Variants in FANCI observed in about 807,000 individuals in gnomAD.
FANCI encodes the protein FA complementation group I.
In FANCI, 156 loss-of-function variants were observed where a neutral mutation model predicts 176.1. The observed-to-expected ratio is 0.89, with a 90% CI of 0.78 to 1.01. The LOEUF is 1.01. Ranked by LOEUF, FANCI falls within the 50% of genes least tolerant of loss-of-function variation. FANCI has a pLI of 0.00. For synonymous variants in FANCI, 613 were observed against 541.7 expected, an observed-to-expected ratio of 1.13 and a Z score of -1.83; for missense variants, 1,678 against 1,534.1, an observed-to-expected ratio of 1.09 and a Z score of -1.57.
intron 24 of FANCI, among the ~76,000 whole-genome samples, chr15:89,298,694 T>C (rs902608385): frequency 2.1e-4 from 32 of 152,146 alleles, no homozygotes; most frequent in Non-Finnish European, 5.9e-5. Flanking sequence ...ATAAATTTAA[T>C]GAACTTTAGC....
intron 18 of FANCI, among the ~76,000 whole-genome samples, chr15:89,289,783 C>G (rs1371995591): frequency 1.3e-5 from 2 of 151,114 alleles, no homozygotes; most frequent in East Asian, 3.9e-4. Flanking sequence ...GGTGTGATCT[C>G]AGCTCACTGC....
intron 16 of FANCI, chr15:89,282,562 G>A (rs1207807802): frequency 5.8e-6 from 1 of 172,990 alleles, no homozygotes; most frequent in Non-Finnish European, 1.3e-5. Flanking sequence ...GGTGTCCAGA[G>A]GAACAACTAA....
Position 89,285,222 on chromosome 15 carries a change from A to G in FANCI, c.1821+4A>G. ...TGTTCGACTCATGCTTTATGAGGTA[A>G]GTCCGTAGAATGGAAAGAATGTAGC... On this transcript the variant is annotated splice_donor_region_variant and intron_variant, in intron 18 of 37. Coordinates refer to ENST00000310775, the MANE Select transcript of FANCI (RefSeq NM_001113378.2). 1 of 1,614,102 alleles carries G rather than the reference A, an allele frequency of 6.2e-7. No homozygotes were observed. The highest frequency in any genetic ancestry group is 8.5e-7 in the Non-Finnish European group (1 of 1,179,960).
intron 34 of FANCI, among the ~76,000 whole-genome samples, chr15:89,310,156 G>A (rs1361117330): frequency 2.6e-5 from 4 of 152,198 alleles, no homozygotes; most frequent in Non-Finnish European, 5.9e-5. Flanking sequence ...TTTCTGTAAA[G>A]GGCCAGATAG....
At chr15:89,298,608 A>G (rs1273824966) in intron 24 of FANCI, among the ~76,000 whole-genome samples, 1 of 152,200 alleles carries the variant, frequency 6.6e-6, no homozygotes, top group East Asian at 1.9e-4. Context: ...AAGGAAATAG[A>G]CAAAAGCACA....
chr15:89,258,841 G>C (rs1013494362), intron 3 of FANCI, 65 bp downstream of exon 3: 1 of 1,278,362 alleles, frequency 7.8e-7, no homozygotes, highest in South Asian at 1.2e-5. Flanking sequence ...TTTAGTTTTC[G>C]TACTTTTCTT....
At chr15:89,314,506 G>A in intron 35 of FANCI, 106 bp from the exon 36 acceptor site, 1 of 847,592 alleles carries the variant, frequency 1.2e-6, no homozygotes. Flanking sequence ...TTGGGAGACA[G>A]ACTAGTTTTC....
At chr15:89,291,820 A>G in intron 20 of FANCI, 106 bp downstream of exon 20, 1 of 890,862 alleles carries the variant, frequency 1.1e-6, no homozygotes. Flanking sequence ...TGGTTCTTCC[A>G]ATGAATGTTT....
intron 1 of FANCI, among the ~76,000 whole-genome samples, chr15:89,246,763 C>CTTTTT (rs35104299): frequency 0.015 from 1,749 of 113,820 alleles, 83 homozygotes; most frequent in African/African-American, 0.053. Context: ...TTCTTCCTTT[C>CTTTTT]TTTTTTTTTT....
chr15:89,268,311 T>G, intron 9 of FANCI, 88 bp from the exon 10 acceptor site: 1 of 1,402,946 alleles, frequency 7.1e-7, no homozygotes, highest in South Asian at 1.2e-5. Context: ...GATCAAGTGA[T>G]GCGCCCGCCT....
At chr15:89,295,431 T>A (rs1423683431) in intron 24 of FANCI, among the ~76,000 whole-genome samples, 2 of 150,796 alleles carry the variant, frequency 1.3e-5, no homozygotes, top group Non-Finnish European at 1.5e-5. Context: ...TTTGGGAGGC[T>A]GAGCCGGGTG....
chr15:89,261,474 G>C, intron 4 of FANCI, 111 bp from the exon 5 acceptor site: 1 of 1,366,278 alleles, frequency 7.3e-7, no homozygotes, highest in Non-Finnish European at 1.0e-6. Flanking sequence ...TATGGGACCA[G>C]TTCTGGATCT....
intron 37 of FANCI, 107 bp downstream of exon 37, chr15:89,315,496 T>G: frequency 5.1e-6 from 4 of 782,020 alleles, no homozygotes; most frequent in Non-Finnish European, 6.8e-6. Flanking sequence ...GGGAAAGGGC[T>G]AAAAGGTGAT....
intron 22 of FANCI, 33 bp downstream of exon 22, chr15:89,293,096 G>C (rs2054126816): frequency 6.2e-7 from 1 of 1,607,260 alleles, no homozygotes; most frequent in East Asian, 2.2e-5. Context: ...TTTGTAATTT[G>C]ATGAATTCTC....
chr15:89,301,226 C>G, intron 26 of FANCI, 100 bp from the exon 27 acceptor site: 1 of 827,206 alleles, frequency 1.2e-6, no homozygotes, highest in African/African-American at 1.7e-5. Flanking sequence ...GCTTTGAATT[C>G]TTTCTGTCCT....
intron 23 of FANCI, 47 bp downstream of exon 23, chr15:89,294,044 G>T (rs763132583): frequency 6.3e-7 from 1 of 1,594,346 alleles, no homozygotes; most frequent in South Asian, 1.1e-5. Flanking sequence ...CCTGAGGATC[G>T]TATACCTACC....
intron 34 of FANCI, among the ~76,000 whole-genome samples, chr15:89,310,608 T>C (rs773737725): frequency 6.6e-6 from 1 of 152,272 alleles, no homozygotes; most frequent in Non-Finnish European, 1.5e-5. Flanking sequence ...TTGTGAGATG[T>C]ATTTAATGAG....
At chr15:89,290,604 T>C (rs1382196323) in intron 19 of FANCI, 1 of 268,846 alleles carries the variant, frequency 3.7e-6, no homozygotes, top group African/African-American at 2.2e-5. Flanking sequence ...AAAAAAGAAA[T>C]CCAAAACAAA....
At chr15:89,281,900 C>A in intron 16 of FANCI, 65 bp downstream of exon 16, 1 of 1,388,904 alleles carries the variant, frequency 7.2e-7, no homozygotes, top group South Asian at 1.2e-5. Context: ...AAAGTTATCT[C>A]TGCCATCTCC....
Sources: allele counts gnomAD v4.1 joint callset (sites outside exome capture counted in the v4.1 genomes callset), GRCh38; gene constraint gnomAD v4.1.1; transcripts MANE v1.5; gene names NCBI Gene and HGNC (gene_info 2026-07-23, HGNC 2026-07-21).